Variants in NLGN1 observed in about 807,000 individuals in gnomAD.
NLGN1 encodes the protein neuroligin-1.
Under a neutral mutation model 65.5 loss-of-function variants are expected in NLGN1, and 12 were observed. The observed-to-expected ratio is 0.18, with a 90% CI of 0.12 to 0.30. NLGN1 has a LOEUF of 0.30. Among genes scored for constraint, NLGN1 ranks in the 10% least tolerant of loss-of-function variants. The pLI, the probability that NLGN1 is intolerant of heterozygous loss-of-function variation, is 1.00. For missense variants in NLGN1, 750 were observed against 1,007.1 expected, an observed-to-expected ratio of 0.74 and a Z score of 3.46; for synonymous variants, 350 against 359.5, an observed-to-expected ratio of 0.97 and a Z score of 0.30.
rs955014435 is a variant in NLGN1, at chr3:174,279,720, T to C, written c.1649+70T>C. The C allele has an allele frequency of 1.1e-6, 1 of 906,538 alleles. No individual in the cohort carries two copies. Among genetic ancestry groups the C allele is most frequent in the Non-Finnish European group, 1.7e-6 (1 of 596,484 alleles). The allele number at this position is 906,538 out of a possible 1,614,324, so 56.2% of individuals were successfully genotyped here. ...TTTAACCATTTTAAAATAATAGATA[T>C]TTATGCCCAGATAATGTCATATTGG... On this transcript the variant is annotated intron_variant, in intron 6 of 6. Transcript: ENST00000457714. The surrounding 1 kb of genome is among the most constrained non-coding windows in gnomAD (Gnocchi z 4.7).
rs1195389145 is a variant in NLGN1 at position 173,688,689 on chromosome 3, T to G, written c.493+83598T>G. On this transcript the variant is annotated intron_variant, in intron 3 of 6. Coordinates refer to ENST00000457714, the Ensembl canonical transcript of NLGN1. ...AACTGGATGTATAAGAAAACTAATC[T>G]TGCTTTCTCCTATTGGATAAAAATT... Among the ~76,000 whole-genome samples, 4 of 152,194 alleles carry G rather than the reference T, an allele frequency of 2.6e-5. No homozygotes were observed. The East Asian group carries it at 7.7e-4, about 29-fold the overall frequency.
chr3:173,478,358 C>T lies in NLGN1; in HGVS notation c.-321+43280C>T, dbSNP rs1279362933. Reference sequence around the variant, plus strand: ...ATAAGTAGGGGCTGAACAATGAGAACACATGAACACAAGGAGGGGAACAAC... The same window carrying T: ...ATAAGTAGGGGCTGAACAATGAGAATACATGAACACAAGGAGGGGAACAAC... On this transcript the variant is annotated intron_variant, in intron 2 of 6. Coordinates refer to ENST00000457714, the Ensembl canonical transcript of NLGN1. Among the ~76,000 whole-genome samples, 2 of 151,612 alleles carry T rather than the reference C, an allele frequency of 1.3e-5. 1 individual carries two copies. Among genetic ancestry groups the T allele is most frequent in the Non-Finnish European group, 2.9e-5 (2 of 67,980 alleles).
chr3:173,737,404 C>A (rs1474418454), intron 3 of NLGN1, among the ~76,000 whole-genome samples: 1 of 151,980 alleles, frequency 6.6e-6, no homozygotes, highest in African/African-American at 2.4e-5. Flanking sequence ...AACCCCATAC[C>A]TATAAGCAGT....
intron 2 of NLGN1, among the ~76,000 whole-genome samples, chr3:173,458,098 A>G (rs1722791990): frequency 6.6e-6 from 1 of 152,074 alleles, no homozygotes; most frequent in Admixed American, 6.6e-5. Flanking sequence ...TATGGAAAGT[A>G]GAAGAGGAGT....
At chr3:173,482,591 A>G (rs1410571850) in intron 2 of NLGN1, among the ~76,000 whole-genome samples, 4 of 151,912 alleles carry the variant, frequency 2.6e-5, no homozygotes, top group East Asian at 1.9e-4. Flanking sequence ...ATATTTTAAC[A>G]TGGTCTCTTA....
At chr3:173,460,173 G>T (rs1576797644) in intron 2 of NLGN1, among the ~76,000 whole-genome samples, 1 of 152,108 alleles carries the variant, frequency 6.6e-6, no homozygotes, top group South Asian at 2.1e-4. Context: ...AATCATGTAG[G>T]AATTTTTATG....
At chr3:173,751,236 A>G (rs1776261428) in intron 3 of NLGN1, among the ~76,000 whole-genome samples, 1 of 152,102 alleles carries the variant, frequency 6.6e-6, no homozygotes. Context: ...TTTTTTGAAA[A>G]GAAAATAACT....
At chr3:173,794,836 A>T (rs1304225059) in intron 3 of NLGN1, among the ~76,000 whole-genome samples, 3 of 152,128 alleles carry the variant, frequency 2.0e-5, no homozygotes, top group Non-Finnish European at 2.9e-5. Flanking sequence ...TTTTGACATC[A>T]AAGTGTTATG....
At chr3:174,007,373 C>T (rs1332244334) in intron 4 of NLGN1, among the ~76,000 whole-genome samples, 1 of 152,158 alleles carries the variant, frequency 6.6e-6, no homozygotes, top group African/African-American at 2.4e-5. Context: ...TTAATGAAAA[C>T]ATGTTATTAT....
rs533178085 is a variant in NLGN1 at position 173,987,456 on chromosome 3, A to G, written c.646+179624A>G. Among the ~76,000 whole-genome samples, 206 of 152,314 alleles carry G rather than the reference A, an allele frequency of 1.4e-3. 3 individuals are homozygous for G. Among genetic ancestry groups the G allele is most frequent in the Middle Eastern group, 3.4e-3 (1 of 294 alleles). The stretch of plus-strand genomic sequence containing the variant: ...AATTCATTGCCCATGTTTAACTTCT[A>G]TTTGGCACTAATCTCAATATAAGAG... On this transcript the variant is annotated intron_variant, in intron 4 of 6. Transcript: ENST00000457714.
At position 174,261,970 on chromosome 3, in the gene NLGN1, A is replaced by G. The variant is rs1747016491; in HGVS notation, c.647-13345A>G. Among the ~76,000 whole-genome samples, 4 of 145,944 alleles carry G rather than the reference A, an allele frequency of 2.7e-5. No homozygotes were observed. The South Asian group carries it at 9.1e-4, about 33-fold the overall frequency. On this transcript the variant is annotated intron_variant, in intron 4 of 6. Transcript: ENST00000457714. Reference sequence around the variant, plus strand: ...GTGGTTTTTGTCTTTGGCTCTGTTTATATGCTGGATTACATTTACTGATTT... The same window carrying G: ...GTGGTTTTTGTCTTTGGCTCTGTTTGTATGCTGGATTACATTTACTGATTT...
At chr3:174,198,381 T>A (rs919795098) in intron 4 of NLGN1, among the ~76,000 whole-genome samples, 5 of 152,208 alleles carry the variant, frequency 3.3e-5, no homozygotes, top group African/African-American at 1.2e-4. Flanking sequence ...GGTAGCTATA[T>A]CTTTGTGTTA....
At chr3:174,193,144 A>T (rs1032390499) in intron 4 of NLGN1, among the ~76,000 whole-genome samples, 3 of 152,188 alleles carry the variant, frequency 2.0e-5, no homozygotes, top group African/African-American at 7.2e-5. Context: ...GGTGACATAT[A>T]ACAGTTGGTA....
At chr3:173,940,107 A>C (rs983552293) in intron 4 of NLGN1, among the ~76,000 whole-genome samples, 1 of 24,282 alleles carries the variant, frequency 4.1e-5, no homozygotes, top group African/African-American at 2.1e-4. Flanking sequence ...TTTTTTTTTG[A>C]GATGGAGTCT....
At chr3:173,514,039 G>T (rs1391154144) in intron 2 of NLGN1, among the ~76,000 whole-genome samples, 1 of 152,010 alleles carries the variant, frequency 6.6e-6, no homozygotes, top group African/African-American at 2.4e-5. Context: ...TGTGTATAAT[G>T]ATACCATGAT....
Position 173,400,315 on chromosome 3 carries a change from A to G in NLGN1, c.-390+1828A>G, listed in dbSNP as rs1010378149. ...TTAACATTGGCCAGTGGCTCCTTAT[A>G]GATTATTACATGCCAAAGTCCACAA... On this transcript the variant is annotated intron_variant, in intron 1 of 6. Coordinates refer to ENST00000457714, the Ensembl canonical transcript of NLGN1. 2.6e-5 allele frequency among the ~76,000 whole-genome samples: 4 copies of G among 152,158 alleles called. 1 individual carries two copies. Among genetic ancestry groups the G allele is most frequent in the Admixed American group, 2.6e-4 (4 of 15,270 alleles).
chr3:173,881,489 A>G (rs1285733795), intron 4 of NLGN1, among the ~76,000 whole-genome samples: 2 of 139,570 alleles, frequency 1.4e-5, no homozygotes, highest in African/African-American at 5.5e-5. Flanking sequence ...CAGTGGCGCA[A>G]TCTCGGCTCA....
At chr3:174,144,601 C>T (rs529085964) in intron 4 of NLGN1, among the ~76,000 whole-genome samples, 38 of 152,122 alleles carry the variant, frequency 2.5e-4, no homozygotes, top group Non-Finnish European at 3.8e-4. Context: ...TTTTAATGAT[C>T]GCCATTCTAG....
chr3:173,825,803 C>G (rs1191758875), intron 4 of NLGN1, among the ~76,000 whole-genome samples: 1 of 151,996 alleles, frequency 6.6e-6, no homozygotes, highest in African/African-American at 2.4e-5. Context: ...GCATCTTTTG[C>G]TACAAGATAT....
Sources: allele counts gnomAD v4.1 joint callset (sites outside exome capture counted in the v4.1 genomes callset), GRCh38; gene constraint gnomAD v4.1.1; non-coding constraint Gnocchi (gnomAD v3.1); transcripts MANE v1.5; gene names NCBI Gene and HGNC (gene_info 2026-07-23, HGNC 2026-07-21).